The following CELSR2 variants were observed in gnomAD, a reference collection of about 807,000 sequenced individuals.
The protein encoded by CELSR2 is cadherin EGF LAG seven-pass G-type receptor 2.
A neutral mutation model predicts 251.6 loss-of-function variants in CELSR2; 81 were observed. The ratio of observed to expected loss-of-function variants is 0.32; its 90% CI spans 0.27 to 0.39. The LOEUF is 0.39. CELSR2 is among the 10% of genes least tolerant of loss of function. CELSR2 has a pLI of 1.00. For synonymous variants in CELSR2, 1,721 were observed against 1,670.5 expected, an observed-to-expected ratio of 1.03 and a Z score of -0.74; for missense variants, 3,365 against 3,947.7, an observed-to-expected ratio of 0.85 and a Z score of 3.96.
rs755719071 is a variant in CELSR2 at position 109,264,382 on chromosome 1, G to C, written c.5289+17G>C. On this transcript the variant is annotated intron_variant, in intron 10 of 33. Transcript: ENST00000271332. ...TGTTTGCAGGTGAGTGTCCTGCCCTGCCCTCCCATCCCCTCCCCCACCACC... is the reference window on the plus strand; with the variant it reads ...TGTTTGCAGGTGAGTGTCCTGCCCTCCCCTCCCATCCCCTCCCCCACCACC... 1.6e-5 allele frequency: 25 copies of C among 1,597,916 alleles called. No individual in the cohort carries two copies. The highest frequency in any genetic ancestry group is 2.1e-5 in the Non-Finnish European group (24 of 1,167,902).
chr1:109,251,497 G>A lies in CELSR2; in HGVS notation c.1418G>A (p.Arg473Gln), dbSNP rs779843956. 5.0e-6 allele frequency: 8 copies of A among 1,613,588 alleles called. No homozygotes were observed. Among genetic ancestry groups the A allele is most frequent in the African/African-American group, 1.3e-5 (1 of 74,902 alleles). The part of the protein sequence containing the change: ...DYETTKEYTL[R>Q]VRAQDGGRPP... ...GAGACGACCAAGGAGTACACCCTAC[G>A]GGTGCGAGCACAGGATGGTGGCCGT... The change falls in exon 1 of 34, where the codon CGG becomes CAG. Residue 473 changes from arginine to glutamine, a missense_variant. Arg to Gln is a conservative substitution (Grantham distance 43). Transcript: ENST00000271332. This position sits in a 1 kb window ranked among gnomAD's most constrained non-coding sequence, Gnocchi z 4.9.
chr1:109,262,993 AGGCTGGGATCC>A (rs757792185), intron 7 of CELSR2, 24 bp downstream of exon 7: 73 of 1,606,892 alleles, frequency 4.5e-5, no homozygotes, highest in Non-Finnish European at 5.9e-5. Context: ...GGGTGGAGCC[AGGCTGGGATCC>A]CAGTGCTGAG....
rs560335750 is a variant in CELSR2 at position 109,268,754 on chromosome 1, G to A, written c.6492G>A (p.Thr2164=). Residue 2164 remains threonine, a synonymous_variant, in exon 18 of 34, where the codon ACG becomes ACA. Coordinates refer to ENST00000271332, the MANE Select transcript of CELSR2 (RefSeq NM_001408.3). ...ACCTAAGCCCCTTCACCATCGTCAC[G>A]CCCAACATTGGTAAGGCTGGTGCCT... ...HTYLSPFTIV[T]PNIVISVVRL... The A allele has an allele frequency of 4.3e-5, 68 of 1,599,930 alleles. No individual in the cohort carries two copies. The highest frequency in any genetic ancestry group is 2.4e-4 in the Admixed American group (14 of 59,460).
In CELSR2 at chr1:109,252,028, G is replaced by T. The variant is rs764937903; in HGVS notation, c.1949G>T (p.Gly650Val). 1 of 1,614,092 alleles carries T rather than the reference G, an allele frequency of 6.2e-7. No individual in the cohort carries two copies. Among genetic ancestry groups the T allele is most frequent in the Admixed American group, 1.7e-5 (1 of 60,022 alleles). ...GTCATCACCTACCAGATCACCAGTGGCAATACTCGAAACCGCTTCTCCATC... is the reference window on the plus strand; with the variant it reads ...GTCATCACCTACCAGATCACCAGTGTCAATACTCGAAACCGCTTCTCCATC... ...HSVITYQITS[G>V]NTRNRFSITS... is the part of the protein sequence containing the mutation. The change falls in exon 1 of 34, where the codon GGC becomes GTC. Residue 650 changes from glycine (G) to valine (V), a missense_variant. Gly to Val is a moderately radical substitution (Grantham distance 109). Transcript: ENST00000271332. This position sits in a 1 kb window ranked among gnomAD's most constrained non-coding sequence, Gnocchi z 4.8.
intron 15 of CELSR2, among the ~76,000 whole-genome samples, chr1:109,266,994 T>C (rs966766799): frequency 1.3e-5 from 2 of 152,148 alleles, no homozygotes; most frequent in African/African-American, 4.8e-5. Context: ...GTGCCGAGAT[T>C]ACAGGCGTGA....
Position 109,270,570 on chromosome 1 carries a change from C to T in CELSR2, c.7453C>T (p.Leu2485=), listed in dbSNP as rs758757492. The T allele has an allele frequency of 6.8e-6, 11 of 1,614,150 alleles. No homozygotes were observed. The South Asian group carries it at 1.2e-4, about 18-fold the overall frequency. ...NTGPMRFYYM[L]GWGVPAFITG... Reference sequence around the variant, plus strand: ...CGGCCCCATGCGCTTCTACTACATGCTGGGCTGGGGCGTGCCTGCCTTCAT... The same window carrying T: ...CGGCCCCATGCGCTTCTACTACATGTTGGGCTGGGGCGTGCCTGCCTTCAT... The change falls in exon 24 of 34, where the codon CTG becomes TTG. Residue 2485 remains leucine (L), a synonymous_variant. Transcript: ENST00000271332.
In CELSR2 at chr1:109,261,075, G is replaced by A. The variant is rs115077620; in HGVS notation, c.3992G>A (p.Arg1331His). Residue 1331 changes from arginine to histidine, a missense_variant, in exon 3 of 34, where the codon CGT becomes CAT. By Grantham distance (29) the Arg-to-His change is conservative. Coordinates refer to ENST00000271332, the MANE Select transcript of CELSR2 (RefSeq NM_001408.3). The surrounding 1 kb of genome is among the most constrained non-coding windows in gnomAD (Gnocchi z 4.8). ...EHCEVSARSG[R>H]CTPGVCKNGG... ...TGTGAGGTGAGTGCTCGCTCAGGCC[G>A]TTGCACCCCGGGTGTCTGCAAGAAT... The A allele has an allele frequency of 1.7e-3, 2,758 of 1,613,908 alleles. 7 individuals carry two copies. The highest frequency in any genetic ancestry group is 2.1e-3 in the Non-Finnish European group (2,458 of 1,179,904).
At chr1:109,260,986 C>T in intron 2 of CELSR2, 56 bp from the exon 3 acceptor site, 1 of 1,400,976 alleles carries the variant, frequency 7.1e-7, no homozygotes, top group Non-Finnish European at 9.9e-7. Flanking sequence ...TGGGGGGTCT[C>T]AGTTCCCCTC....
rs41301279 is a variant in CELSR2, at chr1:109,263,307, A to G, written c.4834+40A>G. On this transcript the variant is annotated intron_variant, in intron 8 of 33. Transcript: ENST00000271332. ...TGTTAGAGGCCACAGCCTGGGTGCC[A>G]TCAACAGTCTGGGAACTGGCAGGGT... 0.01 allele frequency: 15,892 copies of G among 1,545,392 alleles called. 1,296 individuals carry two copies. The African/African-American group carries it at 0.19, about 18-fold the overall frequency.
intron 17 of CELSR2, 136 bp downstream of exon 17, chr1:109,268,196 T>C: frequency 7.7e-7 from 1 of 1,298,426 alleles, no homozygotes; most frequent in Non-Finnish European, 1.0e-6. Flanking sequence ...GAGGCCTCCA[T>C]GAAACCCTGT....
Position 109,250,233 on chromosome 1 carries a change from G to GC in CELSR2, c.159dup (p.Met54HisfsTer25). 1 of 1,604,318 alleles carries GC rather than the reference G, an allele frequency of 6.2e-7. No homozygotes were observed. The highest frequency in any genetic ancestry group is 8.5e-7 in the Non-Finnish European group (1 of 1,175,756). ...GGGACGAGGCTCTTCGGGGGCCTGC[G>GC]CCCCCATGGGCTGGCTCTGTCCATC... On this transcript the variant is annotated frameshift_variant, in exon 1 of 34. Transcript: ENST00000271332. LOFTEE classifies it high-confidence loss of function. The surrounding 1 kb of genome is among the most constrained non-coding windows in gnomAD (Gnocchi z 4.4).
chr1:109,272,947 C>T lies in CELSR2; in HGVS notation c.8258C>T (p.Ala2753Val), dbSNP rs759457248. ...GAAGAAGAGGAGGAGGAAGAGGAGGCCGCCTTCCCTGGAGAGCAGGGCTGG... is the reference window on the plus strand; with the variant it reads ...GAAGAAGAGGAGGAGGAAGAGGAGGTCGCCTTCCCTGGAGAGCAGGGCTGG... ...EEEEEEEEEE[A>V]AFPGEQGWDS... Residue 2753 changes from alanine (A) to valine (V), a missense_variant, in exon 31 of 34, where the codon GCC becomes GTC. Ala to Val is a moderately conservative substitution (Grantham distance 64). This residue lies in a region of CELSR2 where 2,093 missense variants were observed against 2,382.8 expected (regional missense o/e 0.88). Transcript: ENST00000271332. The T allele has an allele frequency of 1.9e-6, 3 of 1,614,002 alleles. No homozygotes were observed. Among genetic ancestry groups the T allele is most frequent in the East Asian group, 4.5e-5 (2 of 44,878 alleles).
At position 109,250,678 on chromosome 1, in the gene CELSR2, T is replaced by C; in HGVS notation, c.599T>C (p.Val200Ala). Residue 200 changes from valine (V) to alanine (A), a missense_variant, in exon 1 of 34, where the codon GTT (valine) becomes GCT (alanine). Physicochemically the swap from Val to Ala is moderately conservative, Grantham distance 64. Around this residue, in one of 5 missense-constraint regions of CELSR2, gnomAD observed 704 missense variants for 784.1 expected, o/e 0.90. Transcript: ENST00000271332. The surrounding 1 kb of genome is among the most constrained non-coding windows in gnomAD (Gnocchi z 4.4). ...GAGAACCAGCCAGCAGGCACCCCTG[T>C]TGCATCCCTGAGGGCCATCGACCCG... is the stretch of plus-strand genomic sequence containing the variant. ...VPENQPAGTPVASLRAIDPDE... is the reference protein window; with the variant it reads ...VPENQPAGTPAASLRAIDPDE... The C allele has an allele frequency of 1.9e-6, 3 of 1,614,054 alleles. No homozygotes were observed. Among genetic ancestry groups the C allele is most frequent in the Non-Finnish European group, 1.7e-6 (2 of 1,180,010 alleles).
rs753002721 is a variant in CELSR2 at position 109,258,895 on chromosome 1, C to T, written c.3774C>T (p.Ser1258=). 6 of 1,612,498 alleles carry T rather than the reference C, an allele frequency of 3.7e-6. No homozygotes were observed. Among genetic ancestry groups the T allele is most frequent in the Admixed American group, 1.7e-5 (1 of 59,910 alleles). ...ACTCCTCCGCGCCCTTCATCGCCTC[C>T]TCCTCCGTGCTCTTCCGGCCCATCC... is the stretch of plus-strand genomic sequence containing the variant. The part of the protein sequence containing the change: ...RFDSSAPFIA[S]SSVLFRPIHP... Residue 1258 remains serine, a synonymous_variant, in exon 2 of 34, where the codon TCC becomes TCT. Coordinates refer to ENST00000271332, the MANE Select transcript of CELSR2 (RefSeq NM_001408.3).
At position 109,269,244 on chromosome 1, in the gene CELSR2, G is replaced by A; in HGVS notation, c.6766G>A (p.Ala2256Thr). The A allele has an allele frequency of 6.2e-7, 1 of 1,613,118 alleles. No individual in the cohort carries two copies. The highest frequency in any genetic ancestry group is 8.5e-7 in the Non-Finnish European group (1 of 1,179,946). ...CAGCGTCATCATCTACCGCACCCTG[G>A]CCGGGCTACTGCCTCATAACTATGA... ...VASVIIYRTLAGLLPHNYDPD... is the reference protein window; with the variant it reads ...VASVIIYRTLTGLLPHNYDPD... Residue 2256 changes from alanine to threonine, a missense_variant, in exon 20 of 34, where the codon GCC becomes ACC. By Grantham distance (58) the Ala-to-Thr change is moderately conservative. This residue lies in a region of CELSR2 where 2,093 missense variants were observed against 2,382.8 expected (regional missense o/e 0.88). Transcript: ENST00000271332. This position sits in a 1 kb window ranked among gnomAD's most constrained non-coding sequence, Gnocchi z 6.4.
chr1:109,250,765 A>G lies in CELSR2; in HGVS notation c.686A>G (p.Asn229Ser), dbSNP rs1239760586. ...TMDALFDSRS[N>S]QFFSLDPVTG... ...GATGCCCTCTTTGATAGCCGCTCCA[A>G]CCAGTTCTTCTCCCTGGACCCAGTC... is the stretch of plus-strand genomic sequence containing the variant. Residue 229 changes from asparagine to serine, a missense_variant, in exon 1 of 34, where the codon AAC becomes AGC. Asn to Ser is a conservative substitution (Grantham distance 46). Coordinates refer to ENST00000271332, the MANE Select transcript of CELSR2 (RefSeq NM_001408.3). The surrounding 1 kb of genome is among the most constrained non-coding windows in gnomAD (Gnocchi z 4.4). 1.2e-6 allele frequency: 2 copies of G among 1,614,048 alleles called. No homozygotes were observed. Among genetic ancestry groups the G allele is most frequent in the Admixed American group, 1.7e-5 (1 of 60,026 alleles).
At chr1:109,262,500 A>C (rs1239956514) in intron 6 of CELSR2, 56 bp downstream of exon 6, 2 of 1,589,080 alleles carry the variant, frequency 1.3e-6, no homozygotes, top group African/African-American at 2.7e-5. Flanking sequence ...CCAGGCAGGG[A>C]GGGAAGGTGG....
rs1480246640 is a variant in CELSR2, at chr1:109,263,713, C to T, written c.4937C>T (p.Thr1646Met). The part of the protein sequence containing the change: ...QPWYLSLMFR[T>M]RQADGVLLQA... The stretch of plus-strand genomic sequence containing the variant: ...TGGTACCTCAGCCTCATGTTCCGCA[C>T]GCGCCAGGCCGACGGTGTCCTGCTG... Residue 1646 changes from threonine to methionine, a missense_variant, in exon 9 of 34, where the codon ACG becomes ATG. Physicochemically the swap from Thr to Met is moderately conservative, Grantham distance 81 (BLOSUM62 -1). Coordinates refer to ENST00000271332, the MANE Select transcript of CELSR2 (RefSeq NM_001408.3). 3.1e-6 allele frequency: 5 copies of T among 1,613,786 alleles called. No homozygotes were observed. Among genetic ancestry groups the T allele is most frequent in the African/African-American group, 1.3e-5 (1 of 74,944 alleles).
At position 109,258,450 on chromosome 1, in the gene CELSR2, C is replaced by T. The variant is rs2101246336; in HGVS notation, c.3329C>T (p.Thr1110Ile). 6.3e-7 allele frequency: 1 copy of T among 1,594,112 alleles called. No individual in the cohort carries two copies. The highest frequency in any genetic ancestry group is 2.3e-5 in the East Asian group (1 of 44,300). ...VLVSDGVHSV[T>I]AQCALRVTII... ...TCCACAGACGGCGTACACAGCGTGACCGCCCAGTGCGCGCTGCGTGTGACC... is the reference window on the plus strand; with the variant it reads ...TCCACAGACGGCGTACACAGCGTGATCGCCCAGTGCGCGCTGCGTGTGACC... Residue 1110 changes from threonine to isoleucine, a missense_variant, in exon 2 of 34, where the codon ACC becomes ATC. This residue lies in a region of CELSR2 where 505 missense variants were observed against 660.0 expected (regional missense o/e 0.77). Transcript: ENST00000271332.
Sources: allele counts gnomAD v4.1 joint callset (sites outside exome capture counted in the v4.1 genomes callset), GRCh38; gene constraint gnomAD v4.1.1; regional missense constraint gnomAD v4.1.1; non-coding constraint Gnocchi (gnomAD v3.1); transcripts MANE v1.5; gene names NCBI Gene and HGNC (gene_info 2026-07-23, HGNC 2026-07-21).